WDR17: variants seen among roughly 807,000 people sequenced by gnomAD.
WDR17 encodes WD repeat-containing protein 17.
Under a neutral mutation model 161.7 loss-of-function variants are expected in WDR17, and 143 were observed. The ratio of observed to expected loss-of-function variants is 0.88; its 90% CI spans 0.77 to 1.02. The LOEUF (loss-of-function observed/expected upper bound fraction) is 1.02, where lower values mean the gene tolerates loss of function less well. Among genes scored for constraint, WDR17 ranks in the 50% least tolerant of loss-of-function variants. The pLI, the probability that WDR17 is intolerant of heterozygous loss-of-function variation, is 0.00. For missense variants in WDR17, 1,469 were observed against 1,520.9 expected (o/e 0.97, Z 0.57); for synonymous variants, 517 against 515.6 (o/e 1.00, Z -0.04).
Position 176,149,846 on chromosome 4 carries a change from C to T in WDR17, c.1937C>T (p.Ser646Phe), listed in dbSNP as rs1333195606. The T allele has an allele frequency of 1.9e-5, 30 of 1,614,046 alleles. No individual in the cohort carries two copies. The highest frequency in any genetic ancestry group is 2.5e-5 in the Non-Finnish European group (30 of 1,180,018). ...CHPSRPFTMA[S>F]CSRDSTVRLW... ...CCCAGTCGCCCCTTCACTATGGCCT[C>T]TTGCTCCCGTGACTCTACAGTGAGA... The change falls in exon 14 of 29, where the codon TCT becomes TTT. Residue 646 changes from serine (S) to phenylalanine (F), a missense_variant. Ser to Phe is a radical substitution (Grantham distance 155). Transcript: ENST00000508596.
chr4:176,106,324 C>A (rs1738710290), intron 1 of WDR17, among the ~76,000 whole-genome samples: 1 of 151,730 alleles, frequency 6.6e-6, no homozygotes, highest in Non-Finnish European at 1.5e-5. Context: ...AGAACTAACC[C>A]CTTACATATA....
At chr4:176,136,913 C>T (rs1259346276) in intron 8 of WDR17, among the ~76,000 whole-genome samples, 6 of 151,424 alleles carry the variant, frequency 4.0e-5, no homozygotes, top group Admixed American at 4.0e-4. Context: ...TGGAGAAAAC[C>T]TCTTCTATCA....
intron 1 of WDR17, among the ~76,000 whole-genome samples, chr4:176,082,378 A>C (rs1233367968): frequency 1.3e-5 from 2 of 152,112 alleles, no homozygotes; most frequent in Non-Finnish European, 2.9e-5. Context: ...GAAGGCTGTA[A>C]GTAATTGACA....
At chr4:176,085,857 A>G (rs1212935064) in intron 1 of WDR17, among the ~76,000 whole-genome samples, 1 of 151,822 alleles carries the variant, frequency 6.6e-6, no homozygotes, top group Non-Finnish European at 1.5e-5. Context: ...TTCTTTTTCC[A>G]GTTTTTAAAG....
intron 1 of WDR17, among the ~76,000 whole-genome samples, chr4:176,069,902 T>G (rs1561057739): frequency 6.6e-6 from 1 of 152,204 alleles, no homozygotes. Flanking sequence ...AACATTTAAT[T>G]AAGTTTGATT....
At chr4:176,099,091 A>G (rs1737379126) in intron 1 of WDR17, among the ~76,000 whole-genome samples, 1 of 152,174 alleles carries the variant, frequency 6.6e-6, no homozygotes, top group Admixed American at 6.6e-5. Flanking sequence ...TTTTTAATAA[A>G]TAAGCAGAGA....
chr4:176,166,178 T>A, intron 22 of WDR17: 1 of 724,832 alleles, frequency 1.4e-6, no homozygotes, highest in South Asian at 2.2e-5. Context: ...ACACATTCCT[T>A]TAAAATGTAT....
chr4:176,143,989 C>T (rs1006387743), intron 11 of WDR17, among the ~76,000 whole-genome samples: 1 of 144,994 alleles, frequency 6.9e-6, no homozygotes, highest in Admixed American at 6.8e-5. Context: ...TAATCTTTTT[C>T]CTATTTTATT....
In WDR17 at chr4:176,115,785, TTTTG is replaced by T; in HGVS notation, c.124-7_124-4del. 1 of 1,566,676 alleles carries T rather than the reference TTTTG, an allele frequency of 6.4e-7. No homozygotes were observed. The highest frequency in any genetic ancestry group is 1.4e-5 in the African/African-American group (1 of 72,510). ...AGCACTAAAATATTTTATTTATATA[TTTTG>T]TTTTAGTTGGATCACCGTTATAATG... On this transcript the variant is annotated splice_region_variant and splice_polypyrimidine_tract_variant and intron_variant, in intron 2 of 28. Coordinates refer to ENST00000508596, the MANE Select transcript of WDR17 (RefSeq NM_181265.4).
chr4:176,120,805 G>A (rs1183618400), intron 4 of WDR17, among the ~76,000 whole-genome samples: 2 of 150,988 alleles, frequency 1.3e-5, no homozygotes, highest in Non-Finnish European at 2.9e-5. Context: ...GCTTTCTCAG[G>A]AACACGATAA....
At chr4:176,123,333 C>A (rs1236551837) in intron 4 of WDR17, among the ~76,000 whole-genome samples, 1 of 152,096 alleles carries the variant, frequency 6.6e-6, no homozygotes, top group African/African-American at 2.4e-5. Flanking sequence ...CAAGCGGTCA[C>A]CTCTACAGCA....
intron 4 of WDR17, among the ~76,000 whole-genome samples, chr4:176,122,326 C>G (rs937298015): frequency 6.6e-6 from 1 of 152,176 alleles, no homozygotes; most frequent in Non-Finnish European, 1.5e-5. Flanking sequence ...TCTGCGAAGG[C>G]CCTAATTCCA....
chr4:176,073,325 A>G (rs889813491), intron 1 of WDR17, among the ~76,000 whole-genome samples: 26 of 152,064 alleles, frequency 1.7e-4, no homozygotes, highest in South Asian at 6.2e-4. Context: ...TCATTGTTCA[A>G]TTCCCACCTA....
At chr4:176,104,903 GTAAATGGATAT>G (rs1320821517) in intron 1 of WDR17, among the ~76,000 whole-genome samples, 1 of 151,928 alleles carries the variant, frequency 6.6e-6, no homozygotes, top group Non-Finnish European at 1.5e-5. Context: ...TATTGTAAAT[GTAAATGGATAT>G]TAAGCTCTTC....
At chr4:176,086,588 T>A (rs1049742797) in intron 1 of WDR17, among the ~76,000 whole-genome samples, 1 of 151,940 alleles carries the variant, frequency 6.6e-6, no homozygotes, top group South Asian at 2.1e-4. Flanking sequence ...TCAAAATCTA[T>A]TTTATCTTTG....
chr4:176,093,263 A>G (rs1415580442), intron 1 of WDR17, among the ~76,000 whole-genome samples: 3 of 152,134 alleles, frequency 2.0e-5, no homozygotes, highest in Admixed American at 6.6e-5. Flanking sequence ...TGTACTACCC[A>G]AAACAATCTA....
rs368204751 is a variant in WDR17, at chr4:176,179,504, G to T, written c.3777G>T (p.Leu1259Phe). The change falls in exon 29 of 29, where the codon TTG (leucine) becomes TTT (phenylalanine). Residue 1259 changes from leucine to phenylalanine, a missense_variant. Transcript: ENST00000508596. ...AAGACGGGAAATCTGCTATCTCCTTGAATGATGCTTTGATGTGGGCAAAGG... is the reference window on the plus strand; with the variant it reads ...AAGACGGGAAATCTGCTATCTCCTTTAATGATGCTTTGATGTGGGCAAAGG... ...FLEDGKSAIS[L>F]NDALMWAKVN... The T allele has an allele frequency of 7.5e-6, 12 of 1,606,342 alleles. No homozygotes were observed. Among genetic ancestry groups the T allele is most frequent in the Non-Finnish European group, 1.0e-5 (12 of 1,175,850 alleles).
At chr4:176,145,327 A>G (rs964301206) in intron 11 of WDR17, among the ~76,000 whole-genome samples, 3 of 152,158 alleles carry the variant, frequency 2.0e-5, no homozygotes, top group African/African-American at 7.2e-5. Flanking sequence ...TATTCTCACT[A>G]TTGTGAGAAT....
intron 5 of WDR17, 136 bp downstream of exon 5, chr4:176,125,491 C>T: frequency 9.3e-7 from 1 of 1,076,862 alleles, no homozygotes; most frequent in South Asian, 1.8e-5. Flanking sequence ...TAGTAAATTA[C>T]TAGTGTACTT....
Sources: allele counts gnomAD v4.1 joint callset (sites outside exome capture counted in the v4.1 genomes callset), GRCh38; gene constraint gnomAD v4.1.1; transcripts MANE v1.5; gene names NCBI Gene and HGNC (gene_info 2026-07-23, HGNC 2026-07-21).